Variants in CCNY observed in about 807,000 individuals in gnomAD.
CCNY encodes cyclin-Y.
In CCNY, 19 loss-of-function variants were observed where a neutral mutation model predicts 42.8. The observed-to-expected ratio is 0.44, with a 90% CI of 0.31 to 0.65. CCNY has a LOEUF of 0.65. Among genes scored for constraint, CCNY ranks in the 30% least tolerant of loss-of-function variants. CCNY has a pLI of 0.07. For missense variants in CCNY, 370 were observed against 437.3 expected, an observed-to-expected ratio of 0.85 and a Z score of 1.37; for synonymous variants, 165 against 162.7, an observed-to-expected ratio of 1.01 and a Z score of -0.11.
chr10:35,474,345 G>A (rs1401383707), intron 1 of CCNY, among the ~76,000 whole-genome samples: 1 of 152,198 alleles, frequency 6.6e-6, no homozygotes, highest in Non-Finnish European at 1.5e-5. Flanking sequence ...CTGGGGGCAG[G>A]GCACAGACAA....
In CCNY at chr10:35,555,431, G is replaced by T. The variant is rs149022676; in HGVS notation, c.746+2246G>T. On this transcript the variant is annotated intron_variant, in intron 8 of 9. Coordinates refer to ENST00000374704, the MANE Select transcript of CCNY (RefSeq NM_145012.6). The stretch of plus-strand genomic sequence containing the variant: ...GTATTCATTGAAGGTTTAAATTCAA[G>T]TCAGTAAAACCCAATTACCAGGAAT... Among the ~76,000 whole-genome samples the T allele has an allele frequency of 2.4e-3, 362 of 152,286 alleles. 3 individuals are homozygous for T. Among genetic ancestry groups the T allele is most frequent in the African/African-American group, 8.2e-3 (341 of 41,548 alleles).
intron 1 of CCNY, among the ~76,000 whole-genome samples, chr10:35,465,938 A>AGTGTGTGTGTGTGTGT (rs1312410028): frequency 1.2e-5 from 1 of 80,958 alleles, no homozygotes; most frequent in African/African-American, 4.4e-5. Context: ...AGAGAGAGAG[A>AGTGTGTGTGTGTGTGT]GTGTGTGTGT....
chr10:35,566,581 G>A (rs1467654918), intron 9 of CCNY, among the ~76,000 whole-genome samples: 4 of 152,052 alleles, frequency 2.6e-5, no homozygotes, highest in African/African-American at 9.7e-5. Flanking sequence ...GACCTCAGGT[G>A]ATCTGCCTGC....
intron 8 of CCNY, among the ~76,000 whole-genome samples, chr10:35,564,899 C>G (rs1320731028): frequency 2.6e-5 from 4 of 152,190 alleles, no homozygotes; most frequent in Non-Finnish European, 4.4e-5. Context: ...ATGAGGAGAA[C>G]AGCCCAAGAG....
At chr10:35,480,948 A>G (rs1021771025) in intron 1 of CCNY, among the ~76,000 whole-genome samples, 2 of 152,248 alleles carry the variant, frequency 1.3e-5, no homozygotes, top group Non-Finnish European at 2.9e-5. Flanking sequence ...CCTGGGTGAC[A>G]GCGCAAGACC....
chr10:35,548,182 T>C (rs1414516429), intron 7 of CCNY, among the ~76,000 whole-genome samples: 1 of 151,358 alleles, frequency 6.6e-6, no homozygotes, highest in Non-Finnish European at 1.5e-5. Context: ...ATTTTTCGTG[T>C]TATATGTATG....
chr10:35,324,478 A>G (rs779245274), intron 3 of CCNY, among the ~76,000 whole-genome samples: 6 of 152,268 alleles, frequency 3.9e-5, no homozygotes, highest in Non-Finnish European at 7.3e-5. Context: ...CTTTGAATTC[A>G]GTAAATCAAC....
chr10:35,299,547 C>A (rs1010573769), intron 3 of CCNY, among the ~76,000 whole-genome samples: 2 of 152,112 alleles, frequency 1.3e-5, no homozygotes, highest in African/African-American at 4.8e-5. Flanking sequence ...TATTTCTTGT[C>A]CTAAAGTGTG....
intron 1 of CCNY, among the ~76,000 whole-genome samples, chr10:35,469,569 T>C (rs141476171): frequency 2.9e-5 from 4 of 137,238 alleles, no homozygotes; most frequent in African/African-American, 1.4e-4. Flanking sequence ...GATGGAGAGA[T>C]GGACAGACAG....
intron 1 of CCNY, among the ~76,000 whole-genome samples, chr10:35,362,139 A>G (rs1836699873): frequency 6.6e-6 from 1 of 152,272 alleles, no homozygotes; most frequent in Non-Finnish European, 1.5e-5. Context: ...TCCAAAAAAA[A>G]TTGAAATCCA....
At position 35,530,128 on chromosome 10, in the gene CCNY, C is replaced by A. The variant is rs755912055; in HGVS notation, c.464C>A (p.Ser155Tyr). ...FDENLHPLSKSEVPPDYDKHN... is the reference protein window; with the variant it reads ...FDENLHPLSKYEVPPDYDKHN... ...TGAAAATATTTTCTTCCCCAGAAATCCGAAGTGCCACCAGATTATGACAAA... is the reference window on the plus strand; with the variant it reads ...TGAAAATATTTTCTTCCCCAGAAATACGAAGTGCCACCAGATTATGACAAA... The change falls in exon 7 of 10, where the codon TCC becomes TAC. Residue 155 changes from serine to tyrosine, a missense_variant. Physicochemically the swap from Ser to Tyr is moderately radical, Grantham distance 144. This residue lies in a region of CCNY where 234 missense variants were observed against 313.1 expected (regional missense o/e 0.75). Transcript: ENST00000374704. The surrounding 1 kb of genome is among the most constrained non-coding windows in gnomAD (Gnocchi z 4.3). 1.9e-6 allele frequency: 3 copies of A among 1,614,140 alleles called. No individual in the cohort carries two copies. The South Asian group carries it at 3.3e-5, about 18-fold the overall frequency.
intron 3 of CCNY, among the ~76,000 whole-genome samples, chr10:35,323,271 A>T (rs1453284056): frequency 1.3e-5 from 2 of 152,180 alleles, no homozygotes; most frequent in African/African-American, 4.8e-5. Context: ...CATACAACCC[A>T]GTAGTCTTAC....
chr10:35,565,351 C>T (rs1841548270), intron 8 of CCNY, among the ~76,000 whole-genome samples: 2 of 152,296 alleles, frequency 1.3e-5, no homozygotes, highest in South Asian at 2.1e-4. Flanking sequence ...GGCCCCACTG[C>T]AGACCTACTG....
At chr10:35,325,475 G>T (rs1835868893) in intron 3 of CCNY, among the ~76,000 whole-genome samples, 1 of 147,884 alleles carries the variant, frequency 6.8e-6, no homozygotes, top group Admixed American at 6.7e-5. Context: ...ACCAAGCACA[G>T]ACCCTTTTTT....
chr10:35,248,242 T>G (rs1281394120), intron 2 of CCNY: 2 of 152,446 alleles, frequency 1.3e-5, no homozygotes, highest in African/African-American at 4.8e-5. Context: ...TTCCCAGTGC[T>G]AAAAATTATT....
At chr10:35,481,387 A>G (rs992899909) in intron 1 of CCNY, among the ~76,000 whole-genome samples, 2 of 152,258 alleles carry the variant, frequency 1.3e-5, no homozygotes, top group Non-Finnish European at 2.9e-5. Context: ...ACTTAGGAGC[A>G]GGATCTCAAT....
intron 1 of CCNY, among the ~76,000 whole-genome samples, chr10:35,395,451 G>C (rs146125411): frequency 6.6e-6 from 1 of 152,302 alleles, no homozygotes; most frequent in Non-Finnish European, 1.5e-5. Context: ...GGTAACCTCA[G>C]GGGTTAGGGG....
At chr10:35,528,083 TC>T (rs1263569480) in intron 5 of CCNY, among the ~76,000 whole-genome samples, 2 of 152,140 alleles carry the variant, frequency 1.3e-5, no homozygotes, top group African/African-American at 4.8e-5. Flanking sequence ...GGGCTCTCAT[TC>T]TCCAGGAAAA....
At chr10:35,548,819 C>T (rs899246057) in intron 7 of CCNY, among the ~76,000 whole-genome samples, 1 of 152,206 alleles carries the variant, frequency 6.6e-6, no homozygotes, top group African/African-American at 2.4e-5. Context: ...TGGATCCACA[C>T]AGCTCGAACC....
Sources: allele counts gnomAD v4.1 joint callset (sites outside exome capture counted in the v4.1 genomes callset), GRCh38; gene constraint gnomAD v4.1.1; regional missense constraint gnomAD v4.1.1; non-coding constraint Gnocchi (gnomAD v3.1); transcripts MANE v1.5; gene names NCBI Gene and HGNC (gene_info 2026-07-23, HGNC 2026-07-21).